SAMD3: variants seen among roughly 807,000 people sequenced by gnomAD.
The protein encoded by SAMD3 is sterile alpha motif domain containing 3.
In SAMD3, 63 loss-of-function variants were observed where a neutral mutation model predicts 58.5. The ratio of observed to expected loss-of-function variants is 1.08; its 90% CI spans 0.88 to 1.33. SAMD3 has a LOEUF of 1.33. Ranked by LOEUF, SAMD3 falls within the 40% of genes most tolerant of loss-of-function variation. SAMD3 has a pLI of 0.00. For synonymous variants in SAMD3, 220 were observed against 210.3 expected (o/e 1.05, Z -0.40); for missense variants, 604 against 608.4 (o/e 0.99, Z 0.08).
rs368116213 is a variant in SAMD3, at chr6:130,210,162, A to G, written c.270-554T>C. On this transcript the variant is annotated intron_variant, in intron 4 of 11. Transcript: ENST00000439090. Reference sequence around the variant, plus strand: ...ACTCAGTTTTGCACCTTCCTGACCAATGATTTTCTACCAGTTTCAACAAGA... The same window carrying G: ...ACTCAGTTTTGCACCTTCCTGACCAGTGATTTTCTACCAGTTTCAACAAGA... Among the ~76,000 whole-genome samples, 10 of 152,316 alleles carry G rather than the reference A, an allele frequency of 6.6e-5. No homozygotes were observed. The East Asian group carries it at 1.2e-3, about 18-fold the overall frequency.
At chr6:130,197,481 C>T (rs531767274) in intron 5 of SAMD3, among the ~76,000 whole-genome samples, 2 of 152,336 alleles carry the variant, frequency 1.3e-5, no homozygotes, top group Admixed American at 6.5e-5. Flanking sequence ...ATCAGATGTC[C>T]TGAGTCGTCC....
chr6:130,317,548 T>C (rs1167096487), intron 1 of SAMD3, among the ~76,000 whole-genome samples: 1 of 152,250 alleles, frequency 6.6e-6, no homozygotes, highest in East Asian at 1.9e-4. Context: ...GAAAGTCTTA[T>C]ACAAAGAAAC....
At chr6:130,306,176 C>T (rs1775904973) in intron 2 of SAMD3, among the ~76,000 whole-genome samples, 1 of 152,174 alleles carries the variant, frequency 6.6e-6, no homozygotes, top group Non-Finnish European at 1.5e-5. Context: ...CATAGCAGGA[C>T]ATTTTTACTT....
chr6:130,323,557 C>T (rs192416472), intron 1 of SAMD3, among the ~76,000 whole-genome samples: 146 of 151,896 alleles, frequency 9.6e-4, no homozygotes, highest in African/African-American at 3.5e-3. Flanking sequence ...AATCCTAGCA[C>T]TTTGGGAGGC....
intron 2 of SAMD3, among the ~76,000 whole-genome samples, chr6:130,287,983 T>C (rs1775220694): frequency 6.6e-6 from 1 of 151,632 alleles, no homozygotes; most frequent in African/African-American, 2.4e-5. Context: ...TGCTGAAGTC[T>C]TGATGTCCTC....
At chr6:130,284,833 A>T (rs1775101670) in intron 2 of SAMD3, among the ~76,000 whole-genome samples, 1 of 152,232 alleles carries the variant, frequency 6.6e-6, no homozygotes, top group Non-Finnish European at 1.5e-5. Context: ...ACATTTCAAA[A>T]TATATATGCC....
chr6:130,326,487 ATTGTACC>A (rs1165418425), intron 1 of SAMD3, among the ~76,000 whole-genome samples: 2 of 147,760 alleles, frequency 1.4e-5, no homozygotes, highest in Non-Finnish European at 3.0e-5. Context: ...CTTTTGTCCT[ATTGTACC>A]TTGTACATTT....
At chr6:130,251,782 G>A (rs184524077) in intron 2 of SAMD3, among the ~76,000 whole-genome samples, 1 of 152,250 alleles carries the variant, frequency 6.6e-6, no homozygotes, top group African/African-American at 2.4e-5. Context: ...AGCAAGTTTT[G>A]AAATAGGAAG....
intron 5 of SAMD3, among the ~76,000 whole-genome samples, chr6:130,207,188 GA>G (rs1273898068): frequency 2.2e-5 from 3 of 134,306 alleles, no homozygotes; most frequent in South Asian, 2.4e-4. Flanking sequence ...AAAAGAAAAA[GA>G]AAAAAAAAGA....
intron 2 of SAMD3, among the ~76,000 whole-genome samples, chr6:130,263,478 A>G (rs1774216598): frequency 6.6e-6 from 1 of 152,160 alleles, no homozygotes; most frequent in South Asian, 2.1e-4. Flanking sequence ...CTGTTCATAC[A>G]GCAAAAAAGG....
At chr6:130,337,823 G>A (rs568791611) in intron 1 of SAMD3, among the ~76,000 whole-genome samples, 3 of 152,292 alleles carry the variant, frequency 2.0e-5, no homozygotes, top group Admixed American at 2.0e-4. Flanking sequence ...GAGATGATCT[G>A]AAATTGGAAC....
chr6:130,289,054 T>G lies in SAMD3; in HGVS notation c.-188+23924A>C, dbSNP rs549772268. On this transcript the variant is annotated intron_variant, in intron 2 of 13. Coordinates refer to the SAMD3 transcript ENST00000368134. ...TAACACTTGTCTGGGGACCTTATTA[T>G]TTTTTGTCTTGTAAGACTACACATC... Among the ~76,000 whole-genome samples the G allele has an allele frequency of 8.5e-5, 13 of 152,338 alleles. No homozygotes were observed. The East Asian group carries it at 2.5e-3, about 29-fold the overall frequency.
At chr6:130,278,051 A>G (rs1190050641) in intron 2 of SAMD3, among the ~76,000 whole-genome samples, 1 of 152,178 alleles carries the variant, frequency 6.6e-6, no homozygotes, top group Non-Finnish European at 1.5e-5. Context: ...AAACTCCCCA[A>G]ATTGCTGCTG....
At chr6:130,342,848 G>A (rs1178802775) in intron 1 of SAMD3, among the ~76,000 whole-genome samples, 1 of 152,144 alleles carries the variant, frequency 6.6e-6, no homozygotes, top group African/African-American at 2.4e-5. Flanking sequence ...TTTATCTACA[G>A]AGTGTTAAAG....
intron 5 of SAMD3, among the ~76,000 whole-genome samples, chr6:130,205,154 TAA>T (rs10680576): frequency 5.9e-4 from 82 of 138,190 alleles, no homozygotes; most frequent in South Asian, 1.2e-3. Flanking sequence ...TTTGGCTCTG[TAA>T]AAAAAAAAAA....
At chr6:130,193,154 C>T (rs2114746701) in intron 5 of SAMD3, among the ~76,000 whole-genome samples, 1 of 152,272 alleles carries the variant, frequency 6.6e-6, no homozygotes, top group East Asian at 1.9e-4. Context: ...CTTGGTCCTT[C>T]ACCTTTAGCA....
intron 2 of SAMD3, among the ~76,000 whole-genome samples, chr6:130,280,105 T>C (rs1001210710): frequency 3.3e-5 from 5 of 152,190 alleles, no homozygotes; most frequent in Non-Finnish European, 7.3e-5. Context: ...CAAACTCAAA[T>C]GTTTTCTGTT....
intron 1 of SAMD3, among the ~76,000 whole-genome samples, chr6:130,346,995 T>C (rs903726958): frequency 1.1e-4 from 17 of 152,042 alleles, no homozygotes; most frequent in African/African-American, 1.9e-4. Context: ...TCCAGCAAAC[T>C]CCAACAGACC....
At chr6:130,294,325 A>G (rs1361274871) in intron 2 of SAMD3, among the ~76,000 whole-genome samples, 1 of 152,232 alleles carries the variant, frequency 6.6e-6, no homozygotes, top group Non-Finnish European at 1.5e-5. Context: ...AAATCACTTC[A>G]GAGAATCTTG....
Sources: allele counts gnomAD v4.1 joint callset (sites outside exome capture counted in the v4.1 genomes callset), GRCh38; gene constraint gnomAD v4.1.1; transcripts MANE v1.5; gene names NCBI Gene and HGNC (gene_info 2026-07-23, HGNC 2026-07-21).